Variants in PRDM6 observed in about 807,000 individuals in gnomAD.
The protein encoded by PRDM6 is putative histone-lysine N-methyltransferase PRDM6.
A neutral mutation model predicts 60.8 loss-of-function variants in PRDM6; 25 were observed. The ratio of observed to expected loss-of-function variants is 0.41; its 90% CI spans 0.30 to 0.57. The LOEUF (loss-of-function observed/expected upper bound fraction) is 0.57. PRDM6 is among the 20% of genes least tolerant of loss of function. The pLI is 0.27. For missense variants in PRDM6, 839 were observed against 821.3 expected (o/e 1.02, Z -0.26); for synonymous variants, 407 against 357.4 (o/e 1.14, Z -1.57).
chr5:123,112,724 G>A (rs1757392922), intron 3 of PRDM6, among the ~76,000 whole-genome samples: 2 of 147,080 alleles, frequency 1.4e-5, no homozygotes, highest in South Asian at 4.3e-4. Flanking sequence ...TTAATTTATG[G>A]TGCTCTCTTA....
intron 3 of PRDM6, among the ~76,000 whole-genome samples, chr5:123,151,545 C>T (rs774259186): frequency 6.6e-5 from 10 of 152,154 alleles, no homozygotes; most frequent in Non-Finnish European, 1.5e-4. Context: ...GACTAGTCGT[C>T]TCACTTTGCT....
intron 5 of PRDM6, among the ~76,000 whole-genome samples, chr5:123,162,927 A>T (rs975561967): frequency 6.6e-6 from 1 of 152,242 alleles, no homozygotes; most frequent in Non-Finnish European, 1.5e-5. Flanking sequence ...TTGAAAGCAC[A>T]AATGTGTAAA....
At chr5:123,095,946 C>G (rs1763948738) in intron 2 of PRDM6, among the ~76,000 whole-genome samples, 1 of 152,088 alleles carries the variant, frequency 6.6e-6, no homozygotes, top group African/African-American at 2.4e-5. Flanking sequence ...TTGTAAAGAT[C>G]TATTGCACTT....
chr5:123,162,239 G>GC (rs1171069990), intron 5 of PRDM6, among the ~76,000 whole-genome samples: 1 of 152,170 alleles, frequency 6.6e-6, no homozygotes, highest in African/African-American at 2.4e-5. Context: ...ACCTGACAAT[G>GC]CTGTCACACG....
chr5:123,183,768 G>A (rs757358806), intron 7 of PRDM6, among the ~76,000 whole-genome samples: 4 of 152,084 alleles, frequency 2.6e-5, no homozygotes, highest in Non-Finnish European at 4.4e-5. Context: ...GAAGTTAGTT[G>A]GCAGTCTAAA....
Position 123,090,249 on chromosome 5 carries a change from G to T in PRDM6, c.235G>T (p.Ala79Ser). ...CCCGCGGCCCGCCTCTCTCTCCTCC[G>T]CCTCGTCCACGCCGGCTTCCTCTTC... Reference protein sequence around the residue: ...LRPRPASLSSASSTPASSSTS... With the variant: ...LRPRPASLSSSSSTPASSSTS... The change falls in exon 2 of 8, where the codon GCC (alanine) becomes TCC (serine). Residue 79 changes from alanine to serine, a missense_variant. Around this residue, in one of 2 missense-constraint regions of PRDM6, gnomAD observed 730 missense variants for 648.8 expected, o/e 1.13. Coordinates refer to ENST00000407847, the MANE Select transcript of PRDM6 (RefSeq NM_001136239.4). 6.7e-7 allele frequency: 1 copy of T among 1,483,840 alleles called. No individual in the cohort carries two copies. The highest frequency in any genetic ancestry group is 9.0e-7 in the Non-Finnish European group (1 of 1,116,042). 91.9% of individuals were successfully genotyped at this position (1,483,840 alleles called of 1,614,324 possible).
At chr5:123,165,897 T>G (rs933415598) in intron 5 of PRDM6, among the ~76,000 whole-genome samples, 1 of 152,212 alleles carries the variant, frequency 6.6e-6, no homozygotes, top group African/African-American at 2.4e-5. Flanking sequence ...GGCTTGCCAT[T>G]ACTCTTTGCT....
At chr5:123,154,624 C>A (rs571045020) in intron 3 of PRDM6, among the ~76,000 whole-genome samples, 1 of 152,316 alleles carries the variant, frequency 6.6e-6, no homozygotes, top group East Asian at 1.9e-4. Flanking sequence ...AATAGAACTG[C>A]TGAGCTAAAC....
At chr5:123,180,970 A>G (rs894231102) in intron 7 of PRDM6, among the ~76,000 whole-genome samples, 2 of 152,242 alleles carry the variant, frequency 1.3e-5, no homozygotes, top group Non-Finnish European at 2.9e-5. Context: ...ATTGAATTCT[A>G]AGGGCTTTGG....
intron 7 of PRDM6, among the ~76,000 whole-genome samples, chr5:123,184,810 A>G (rs1202622631): frequency 1.3e-5 from 2 of 152,214 alleles, no homozygotes; most frequent in African/African-American, 4.8e-5. Context: ...TTCCTCAAAT[A>G]TATAAATTGC....
At chr5:123,159,749 C>T in intron 5 of PRDM6, 111 bp downstream of exon 5, 1 of 1,026,712 alleles carries the variant, frequency 9.7e-7, no homozygotes, top group South Asian at 1.6e-5. Context: ...TAATAAGTAA[C>T]ACAAACATAT....
chr5:123,170,704 G>A, intron 5 of PRDM6, 62 bp from the exon 6 acceptor site: 1 of 1,148,444 alleles, frequency 8.7e-7, no homozygotes, highest in Non-Finnish European at 1.2e-6. Flanking sequence ...AAAAGTATGT[G>A]TTATTGTGCT....
intron 3 of PRDM6, among the ~76,000 whole-genome samples, chr5:123,134,955 G>A (rs1764922037): frequency 6.7e-6 from 1 of 150,316 alleles, no homozygotes; most frequent in African/African-American, 2.5e-5. Flanking sequence ...AGGACAACCA[G>A]ATCTTATCAA....
At chr5:123,147,147 G>C (rs1194532480) in intron 3 of PRDM6, among the ~76,000 whole-genome samples, 1 of 151,992 alleles carries the variant, frequency 6.6e-6, no homozygotes, top group African/African-American at 2.4e-5. Flanking sequence ...TTATTTAATA[G>C]ATGTCAAGAA....
At chr5:123,183,260 G>T (rs1766208582) in intron 7 of PRDM6, among the ~76,000 whole-genome samples, 1 of 152,158 alleles carries the variant, frequency 6.6e-6, no homozygotes, top group African/African-American at 2.4e-5. Context: ...AGATGGCTCA[G>T]TCCCCAAATT....
chr5:123,156,061 G>A, intron 4 of PRDM6, 50 bp downstream of exon 4: 4 of 1,498,374 alleles, frequency 2.7e-6, no homozygotes, highest in Non-Finnish European at 3.6e-6. Context: ...CATTTGGCTT[G>A]CATATACAAA....
intron 3 of PRDM6, among the ~76,000 whole-genome samples, chr5:123,133,782 GAAAAAGTTCAGTTGATTTGAA>G (rs1378279869): frequency 6.7e-6 from 1 of 149,192 alleles, no homozygotes; most frequent in Non-Finnish European, 1.5e-5. Flanking sequence ...GGATCATCTT[GAAAAAGTTCAGTTGATTTGAA>G]ACAAAAATCT....
chr5:123,173,681 A>G (rs1434936020), intron 6 of PRDM6, among the ~76,000 whole-genome samples: 1 of 152,262 alleles, frequency 6.6e-6, no homozygotes, highest in Non-Finnish European at 1.5e-5. Flanking sequence ...TTTCTTAGTA[A>G]TGATGAGGAA....
intron 3 of PRDM6, among the ~76,000 whole-genome samples, chr5:123,120,945 A>T (rs1371370025): frequency 6.6e-6 from 1 of 152,216 alleles, no homozygotes; most frequent in East Asian, 1.9e-4. Flanking sequence ...TAAGGTAATA[A>T]ATGATAAATA....
Sources: gnomAD v4.1 joint callset for allele counts (sites outside exome capture counted in the v4.1 genomes callset) on GRCh38, gnomAD v4.1.1 for gene constraint, gnomAD v4.1.1 regional missense constraint, MANE v1.5 for transcripts, NCBI Gene and HGNC (gene_info 2026-07-23, HGNC 2026-07-21) for gene names.